EIF3CL: variants seen among roughly 807,000 people sequenced by gnomAD.
The protein encoded by EIF3CL is eukaryotic translation initiation factor 3 subunit C-like protein.
For synonymous variants in EIF3CL, 2 were observed against 19.6 expected (o/e 0.10, Z 2.37); for missense variants, 5 against 56.1 (o/e 0.09, Z 2.91).
chr16:28,415,819 TCTC>T, the EIF3CL span, among the ~76,000 whole-genome samples: 1 of 68,926 alleles, frequency 1.5e-5, no homozygotes, highest in Admixed American at 1.9e-4. Context: ...TCCCTCTTCC[TCTC>T]CCTCTCCCTC....
chr16:28,415,423 A>C, the EIF3CL span, among the ~76,000 whole-genome samples: 2 of 135,722 alleles, frequency 1.5e-5, no homozygotes, highest in Non-Finnish European at 3.1e-5. Context: ...GCAAACAGCA[A>C]TGATGTTCTA....
rs2045596726 is a variant in EIF3CL, at chr16:28,385,549, T to C, written c.1822-2068A>G. 3.4e-5 allele frequency among the ~76,000 whole-genome samples: 3 copies of C among 89,356 alleles called. 1 individual carries two copies. 58.6% of individuals were successfully genotyped at this position (89,356 alleles called of 152,430 possible). ...TTGTTATGTTGCACAGCAATGAAGA[T>C]AGTATGGGACTTGCATAAGGACAGA... is the stretch of plus-strand genomic sequence containing the variant. On this transcript the variant is annotated intron_variant, in intron 15 of 20. Transcript: ENST00000380876.
the EIF3CL span, among the ~76,000 whole-genome samples, chr16:28,416,785 C>T: frequency 2.9e-5 from 3 of 105,258 alleles, no homozygotes; most frequent in Admixed American, 1.0e-4. Context: ...CCCGGCCAGC[C>T]GCCCCGTCCG....
the EIF3CL span, among the ~76,000 whole-genome samples, chr16:28,417,966 C>A: frequency 2.1e-5 from 3 of 139,992 alleles, no homozygotes; most frequent in East Asian, 6.5e-4. Context: ...TCTCTTGAAC[C>A]AAGGAGGTGG....
At chr16:28,414,841 C>T in the EIF3CL span, 2 of 500,642 alleles carry the variant, frequency 4.0e-6, no homozygotes, top group African/African-American at 2.1e-5. Flanking sequence ...ATGCGAAGGA[C>T]GCGCAAATGC....
At chr16:28,415,707 G>A in the EIF3CL span, among the ~76,000 whole-genome samples, 2 of 134,156 alleles carry the variant, frequency 1.5e-5, no homozygotes, top group Non-Finnish European at 3.2e-5. Context: ...CTGAGATAGT[G>A]CCACTGCACT....
intron 2 of EIF3CL, among the ~76,000 whole-genome samples, chr16:28,402,503 T>C (rs2045661899): frequency 8.6e-6 from 1 of 116,214 alleles, no homozygotes; most frequent in South Asian, 2.4e-4. Flanking sequence ...TTGGCCATGC[T>C]GGTCTCAAAC....
chr16:28,414,905 C>T, the EIF3CL span: 30 of 517,318 alleles, frequency 5.8e-5, 4 homozygotes, highest in Admixed American at 3.4e-4. Context: ...GTATCGACGC[C>T]GGCCTCCGGG....
chr16:28,414,510 C>A, the EIF3CL span: 1 of 206,550 alleles, frequency 4.8e-6, no homozygotes, highest in South Asian at 4.9e-5. Flanking sequence ...AGGAGAAATG[C>A]GCCCTCATGG....
chr16:28,419,105 C>T, the EIF3CL span, among the ~76,000 whole-genome samples: 1 of 144,740 alleles, frequency 6.9e-6, no homozygotes, highest in South Asian at 2.1e-4. Context: ...CTCCTGGGTT[C>T]ACGCCATTCT....
At chr16:28,416,579 C>T in the EIF3CL span, among the ~76,000 whole-genome samples, 2 of 34,304 alleles carry the variant, frequency 5.8e-5, no homozygotes, top group East Asian at 1.1e-3. Flanking sequence ...CCGGCCGCCC[C>T]GTCTGAGAAG....
At chr16:28,382,433 C>T (rs1269814238) in intron 16 of EIF3CL, among the ~76,000 whole-genome samples, 4 of 82,840 alleles carry the variant, frequency 4.8e-5, no homozygotes, top group Admixed American at 1.6e-4. Flanking sequence ...GGGCCAGGAG[C>T]GACAGACTGC....
chr16:28,421,830 T>A, the EIF3CL span, among the ~76,000 whole-genome samples: 1 of 140,174 alleles, frequency 7.1e-6, no homozygotes, highest in Non-Finnish European at 1.6e-5. Flanking sequence ...AAAAAAAAAA[T>A]CTATTTGGAT....
the EIF3CL span, among the ~76,000 whole-genome samples, chr16:28,419,262 T>G: frequency 6.6e-6 from 1 of 151,026 alleles, no homozygotes; most frequent in Admixed American, 6.6e-5. Flanking sequence ...TGCCTTGGCC[T>G]CCCAAAGTGC....
the EIF3CL span, among the ~76,000 whole-genome samples, chr16:28,415,750 CAA>C: frequency 1.6e-5 from 2 of 127,768 alleles, no homozygotes; most frequent in Non-Finnish European, 1.6e-5. Flanking sequence ...ACTCCGTCTC[CAA>C]AAAAAAAAAG....
At chr16:28,410,515 TA>T in the EIF3CL span, among the ~76,000 whole-genome samples, 1 of 102,986 alleles carries the variant, frequency 9.7e-6, no homozygotes, top group African/African-American at 3.7e-5. Context: ...TACATATAGC[TA>T]AATGAATCAG....
chr16:28,426,088 C>CAA, the EIF3CL span, among the ~76,000 whole-genome samples: 1 of 112,922 alleles, frequency 8.9e-6, no homozygotes, highest in Admixed American at 1.0e-4. Context: ...TCTCAACACA[C>CAA]ACACACACAC....
the EIF3CL span, chr16:28,414,725 T>C: frequency 1.3e-5 from 5 of 373,276 alleles, 2 homozygotes; most frequent in Non-Finnish European, 1.1e-5. Context: ...AGAAAGCAGG[T>C]GGTGCAGGAG....
chr16:28,421,805 G>A, the EIF3CL span, among the ~76,000 whole-genome samples: 4 of 136,822 alleles, frequency 2.9e-5, no homozygotes, highest in South Asian at 2.3e-4. Context: ...GAGCAAGACC[G>A]TGTCTCAAAA....
Sources: gnomAD v4.1 joint callset for allele counts (sites outside exome capture counted in the v4.1 genomes callset) on GRCh38, gnomAD v4.1.1 for gene constraint, MANE v1.5 for transcripts, NCBI Gene and HGNC (gene_info 2026-07-23, HGNC 2026-07-21) for gene names.